Variants in DENND2B observed in about 807,000 individuals in gnomAD.
The protein encoded by DENND2B is DENN domain containing 2B.
DENND2B carries 32 observed loss-of-function variants against 116.0 expected under a neutral mutation model. The observed-to-expected ratio is 0.28, with a 90% CI of 0.21 to 0.37. The LOEUF is 0.37. Ranked by LOEUF, DENND2B falls within the 10% of genes least tolerant of loss-of-function variation. DENND2B has a pLI of 1.00. For synonymous variants in DENND2B, 588 were observed against 583.9 expected (o/e 1.01, Z -0.10); for missense variants, 1,276 against 1,477.7 (o/e 0.86, Z 2.24).
intron 1 of DENND2B, among the ~76,000 whole-genome samples, chr11:8,895,977 G>A (rs142646825): frequency 2.0e-5 from 3 of 151,950 alleles, no homozygotes; most frequent in Non-Finnish European, 4.4e-5. Context: ...AATGTGGAGG[G>A]TATGGTATAT....
chr11:8,883,516 T>C (rs910564873), intron 1 of DENND2B, among the ~76,000 whole-genome samples: 1 of 152,262 alleles, frequency 6.6e-6, no homozygotes, highest in African/African-American at 2.4e-5. Context: ...ATTTTCTTTT[T>C]CTTTTTCTTG....
At chr11:8,824,371 G>A (rs889770333) in intron 4 of DENND2B, among the ~76,000 whole-genome samples, 3 of 152,040 alleles carry the variant, frequency 2.0e-5, no homozygotes, top group Non-Finnish European at 4.4e-5. Flanking sequence ...CCTCAAGTAG[G>A]CCTTGGTGCC....
intron 1 of DENND2B, among the ~76,000 whole-genome samples, chr11:8,884,883 G>A (rs769002953): frequency 2.6e-5 from 4 of 152,194 alleles, no homozygotes; most frequent in Non-Finnish European, 4.4e-5. Flanking sequence ...CCAGAGTCAT[G>A]TCTTCCAACT....
chr11:8,903,202 CAG>C (rs2064191073), intron 1 of DENND2B, among the ~76,000 whole-genome samples: 1 of 151,908 alleles, frequency 6.6e-6, no homozygotes, highest in Admixed American at 6.6e-5. Context: ...TTTTTTGAGA[CAG>C]AGTTTCACTC....
chr11:8,733,393 A>G (rs575887996), intron 2 of DENND2B, among the ~76,000 whole-genome samples: 147 of 152,370 alleles, frequency 9.6e-4, no homozygotes, highest in African/African-American at 3.4e-3. Flanking sequence ...ACAGAGGACA[A>G]TTTCATTTGT....
intron 1 of DENND2B, among the ~76,000 whole-genome samples, chr11:8,791,017 C>T (rs1245464345): frequency 6.6e-6 from 1 of 152,080 alleles, no homozygotes; most frequent in East Asian, 1.9e-4. Flanking sequence ...ATTTCTTTTC[C>T]TTCTCTCACT....
At chr11:8,780,642 G>A (rs1198709361) in intron 1 of DENND2B, among the ~76,000 whole-genome samples, 1 of 152,190 alleles carries the variant, frequency 6.6e-6, no homozygotes, top group South Asian at 2.1e-4. Context: ...GGCTCTTAGA[G>A]GCCTCTGAGA....
Position 8,696,413 on chromosome 11 carries a change from T to A in DENND2B, c.3292+14A>T. The A allele has an allele frequency of 1.2e-6, 2 of 1,613,292 alleles. No individual in the cohort carries two copies. The highest frequency in any genetic ancestry group is 1.6e-4 in the Middle Eastern group (1 of 6,062). On this transcript the variant is annotated intron_variant, in intron 18 of 19. Transcript: ENST00000313726. ...TGAAAAAATTAGAGAAGAGAGCTGA[T>A]AACCAAGACTTACCCTTTGCCCGAC... is the stretch of plus-strand genomic sequence containing the variant.
At chr11:8,814,207 C>T (rs151210707), upstream of DENND2B, among the ~76,000 whole-genome samples, 645 of 151,892 alleles carry the variant, frequency 4.2e-3, 10 homozygotes, top group African/African-American at 0.015. Flanking sequence ...TTGCAAAAAC[C>T]TCCTAATTGC....
At chr11:8,880,037 T>G (rs1462500983) in intron 2 of DENND2B, among the ~76,000 whole-genome samples, 1 of 152,214 alleles carries the variant, frequency 6.6e-6, no homozygotes. Context: ...TTCATGCATC[T>G]ACTCTATTGC....
intron 3 of DENND2B, among the ~76,000 whole-genome samples, chr11:8,849,176 A>C (rs2062914665): frequency 6.6e-6 from 1 of 152,150 alleles, no homozygotes; most frequent in African/African-American, 2.4e-5. Context: ...GTCACTGCTA[A>C]GCACTAGGGA....
At chr11:8,882,730 G>C (rs2063916141) in intron 1 of DENND2B, among the ~76,000 whole-genome samples, 1 of 152,184 alleles carries the variant, frequency 6.6e-6, no homozygotes, top group African/African-American at 2.4e-5. Flanking sequence ...GTTCATGCCT[G>C]TGATCCCAGC....
chr11:8,806,573 T>G (rs1431885359), intron 1 of DENND2B, among the ~76,000 whole-genome samples: 1 of 97,744 alleles, frequency 1.0e-5, no homozygotes, highest in East Asian at 3.2e-4. Context: ...TAAGGTAATC[T>G]AGACTCATTT....
intron 1 of DENND2B, among the ~76,000 whole-genome samples, chr11:8,780,967 T>C (rs1428208396): frequency 6.6e-6 from 1 of 151,934 alleles, no homozygotes; most frequent in Non-Finnish European, 1.5e-5. Flanking sequence ...GAGAGCCAGC[T>C]CTTGGGAGGG....
At chr11:8,858,983 A>C (rs1279030010) in intron 2 of DENND2B, among the ~76,000 whole-genome samples, 1 of 152,194 alleles carries the variant, frequency 6.6e-6, no homozygotes, top group Non-Finnish European at 1.5e-5. Context: ...AAAGCCAGGG[A>C]ATCACCTAAG....
intron 4 of DENND2B, chr11:8,718,799 G>A (rs1400122767): frequency 3.0e-6 from 3 of 1,005,960 alleles, no homozygotes; most frequent in African/African-American, 3.5e-5. Context: ...CCCTGCCCTT[G>A]AAGATGTTGA....
chr11:8,800,895 C>T (rs760664019), intron 1 of DENND2B, among the ~76,000 whole-genome samples: 3 of 152,108 alleles, frequency 2.0e-5, no homozygotes, highest in African/African-American at 7.2e-5. Context: ...CAATCCACCA[C>T]TCCTCTGAAA....
rs1407182608 is a variant in DENND2B at position 8,730,147 on chromosome 11, A to G, written c.1143T>C (p.Asp381=). The G allele has an allele frequency of 6.2e-6, 10 of 1,614,134 alleles. No individual in the cohort carries two copies. Among genetic ancestry groups the G allele is most frequent in the Non-Finnish European group, 8.5e-6 (10 of 1,180,020 alleles). The change falls in exon 3 of 20, where the codon GAT becomes GAC. Residue 381 remains aspartate (D), a synonymous_variant. Coordinates refer to ENST00000313726, the MANE Select transcript of DENND2B (RefSeq NM_213618.2). This position sits in a 1 kb window ranked among gnomAD's most constrained non-coding sequence, Gnocchi z 4.1. ...SQRLPSKSSL[D]PAVNPVPKPK... ...GTTTGGGGACAGGGTTCACAGCGGGATCGAGGGAACTCTTCGATGGCAGCC... is the reference window on the plus strand; with the variant it reads ...GTTTGGGGACAGGGTTCACAGCGGGGTCGAGGGAACTCTTCGATGGCAGCC...
chr11:8,855,422 A>G (rs2063160546), intron 3 of DENND2B, among the ~76,000 whole-genome samples: 3 of 150,800 alleles, frequency 2.0e-5, no homozygotes, highest in Non-Finnish European at 3.0e-5. Flanking sequence ...AGCCTGATGG[A>G]TCATGATGGA....
Sources: allele counts gnomAD v4.1 joint callset (sites outside exome capture counted in the v4.1 genomes callset), GRCh38; gene constraint gnomAD v4.1.1; non-coding constraint Gnocchi (gnomAD v3.1); transcripts MANE v1.5; gene names NCBI Gene and HGNC (gene_info 2026-07-23, HGNC 2026-07-21).